The following CNTN5 variants were observed in gnomAD, a reference collection of about 807,000 sequenced individuals.
CNTN5 encodes contactin-5.
A neutral mutation model predicts 129.1 loss-of-function variants in CNTN5; 77 were observed. The observed-to-expected ratio is 0.60, with a 90% CI of 0.50 to 0.72. The LOEUF (loss-of-function observed/expected upper bound fraction) is 0.72, where lower values mean the gene tolerates loss of function less well. CNTN5 is among the 30% of genes least tolerant of loss of function. CNTN5 has a pLI of 0.00. For synonymous variants in CNTN5, 509 were observed against 465.6 expected (o/e 1.09, Z -1.20); for missense variants, 1,478 against 1,328.8 (o/e 1.11, Z -1.75).
At chr11:99,702,570 G>T (rs943898158) in intron 3 of CNTN5, among the ~76,000 whole-genome samples, 1 of 150,742 alleles carries the variant, frequency 6.6e-6, no homozygotes, top group African/African-American at 2.4e-5. Context: ...TTGAAAACTA[G>T]ATGCATACTA....
Position 99,577,028 on chromosome 11 carries a change from A to C in CNTN5, c.55+20759A>C, listed in dbSNP as rs985690364. ...AGGGAAAAAATGTTGAGGGATTTCT[A>C]TGGTATTATGAATTTCTTTTATTAA... On this transcript the variant is annotated intron_variant, in intron 3 of 24. Transcript: ENST00000524871. Among the ~76,000 whole-genome samples, 14 of 152,288 alleles carry C rather than the reference A, an allele frequency of 9.2e-5. No individual in the cohort carries two copies. In the East Asian group the frequency reaches 2.7e-3, roughly 29 times the overall value.
At chr11:99,251,782 G>T (rs1862118551) in intron 1 of CNTN5, among the ~76,000 whole-genome samples, 2 of 152,012 alleles carry the variant, frequency 1.3e-5, no homozygotes, top group Admixed American at 6.6e-5. Flanking sequence ...AGTAACATGT[G>T]TTTTCCATAC....
At chr11:99,489,926 G>T (rs193157288) in intron 2 of CNTN5, among the ~76,000 whole-genome samples, 1 of 152,224 alleles carries the variant, frequency 6.6e-6, no homozygotes, top group Admixed American at 6.5e-5. Flanking sequence ...AAATACTTTT[G>T]CATATTATGG....
chr11:99,774,817 C>G (rs1235936539), intron 3 of CNTN5, among the ~76,000 whole-genome samples: 1 of 152,024 alleles, frequency 6.6e-6, no homozygotes, highest in Non-Finnish European at 1.5e-5. Flanking sequence ...AATCCGCTCT[C>G]CAGTTTTGTT....
At chr11:99,240,495 C>A (rs1290168309) in intron 1 of CNTN5, among the ~76,000 whole-genome samples, 30 of 152,110 alleles carry the variant, frequency 2.0e-4, no homozygotes, top group Non-Finnish European at 7.4e-5. Flanking sequence ...GCTTTCAGGG[C>A]TATCTCTGGC....
intron 15 of CNTN5, among the ~76,000 whole-genome samples, chr11:100,219,167 A>T (rs1200847223): frequency 6.6e-6 from 1 of 152,192 alleles, no homozygotes; most frequent in Non-Finnish European, 1.5e-5. Context: ...GGTATGAGGA[A>T]AGCTGGTCCA....
chr11:99,623,997 G>A (rs1363980109), intron 3 of CNTN5, among the ~76,000 whole-genome samples: 1 of 152,012 alleles, frequency 6.6e-6, no homozygotes, highest in East Asian at 1.9e-4. Context: ...TAACTTTGTT[G>A]ATCAAAAGAT....
At chr11:99,223,136 G>A (rs898273361) in intron 1 of CNTN5, among the ~76,000 whole-genome samples, 1 of 152,204 alleles carries the variant, frequency 6.6e-6, no homozygotes, top group South Asian at 2.1e-4. Flanking sequence ...CGATAGCAAA[G>A]CCCTCTCTGC....
chr11:99,746,100 A>T (rs549198960), intron 3 of CNTN5, among the ~76,000 whole-genome samples: 1 of 152,322 alleles, frequency 6.6e-6, no homozygotes, highest in African/African-American at 2.4e-5. Context: ...TTTAGTTTCT[A>T]TTTAAAAGAA....
At chr11:99,814,070 T>C (rs1946510255) in intron 3 of CNTN5, among the ~76,000 whole-genome samples, 1 of 152,140 alleles carries the variant, frequency 6.6e-6, no homozygotes, top group Non-Finnish European at 1.5e-5. Context: ...TATGAGAACA[T>C]TCTAACAAGC....
intron 3 of CNTN5, among the ~76,000 whole-genome samples, chr11:99,630,692 G>A (rs683621): frequency 0.61 from 92,275 of 151,526 alleles, 28,933 homozygotes; most frequent in Admixed American, 0.73. Flanking sequence ...CACATTCTCT[G>A]TCCGGGGTAT....
chr11:99,975,112 G>C (rs180685756), intron 8 of CNTN5, among the ~76,000 whole-genome samples: 697 of 152,312 alleles, frequency 4.6e-3, no homozygotes, highest in Non-Finnish European at 7.4e-3. Context: ...TTAAATAAAA[G>C]ACATAGCCTC....
At chr11:99,678,234 T>A (rs1437499724) in intron 3 of CNTN5, among the ~76,000 whole-genome samples, 1 of 152,082 alleles carries the variant, frequency 6.6e-6, no homozygotes, top group Non-Finnish European at 1.5e-5. Context: ...AGAACTTAAC[T>A]ACCTGGTTAA....
intron 3 of CNTN5, among the ~76,000 whole-genome samples, chr11:99,698,395 A>G (rs1178326733): frequency 6.6e-6 from 1 of 151,302 alleles, no homozygotes; most frequent in Non-Finnish European, 1.5e-5. Context: ...GAGATTTAAA[A>G]CCCTGGAATC....
At chr11:100,249,583 A>G (rs2138706465) in intron 16 of CNTN5, among the ~76,000 whole-genome samples, 1 of 152,330 alleles carries the variant, frequency 6.6e-6, no homozygotes, top group East Asian at 1.9e-4. Context: ...ACCAAGTATA[A>G]AATTTAATGA....
chr11:99,989,026 A>G (rs541495386), intron 8 of CNTN5, among the ~76,000 whole-genome samples: 1 of 152,286 alleles, frequency 6.6e-6, no homozygotes, highest in Admixed American at 6.5e-5. Context: ...TGTCTAATAC[A>G]TTGAGTAAAG....
intron 3 of CNTN5, among the ~76,000 whole-genome samples, chr11:99,644,754 C>T (rs530776037): frequency 6.6e-6 from 1 of 152,114 alleles, no homozygotes; most frequent in African/African-American, 2.4e-5. Context: ...GAACATTTAG[C>T]CTAGTAGATT....
intron 3 of CNTN5, among the ~76,000 whole-genome samples, chr11:99,596,531 A>T (rs759970121): frequency 6.6e-6 from 1 of 152,206 alleles, no homozygotes; most frequent in East Asian, 1.9e-4. Context: ...GAAAAAGCTC[A>T]TAAGCTTCAT....
intron 3 of CNTN5, among the ~76,000 whole-genome samples, chr11:99,751,165 C>T (rs994173952): frequency 1.3e-5 from 2 of 152,020 alleles, no homozygotes; most frequent in African/African-American, 2.4e-5. Context: ...AGTGAAATCT[C>T]GTCTCTACTA....
Sources: allele counts gnomAD v4.1 joint callset (sites outside exome capture counted in the v4.1 genomes callset), GRCh38; gene constraint gnomAD v4.1.1; transcripts MANE v1.5; gene names NCBI Gene and HGNC (gene_info 2026-07-23, HGNC 2026-07-21).